The following FMN1 variants were observed in gnomAD, a reference collection of about 807,000 sequenced individuals.
The protein encoded by FMN1 is formin 1.
In FMN1, 110 loss-of-function variants were observed where a neutral mutation model predicts 132.4. The ratio of observed to expected loss-of-function variants is 0.83; its 90% confidence interval spans 0.71 to 0.97. The LOEUF (loss-of-function observed/expected upper bound fraction) is 0.97, where lower values mean the gene tolerates loss of function less well. Ranked by LOEUF, FMN1 falls within the 50% of genes least tolerant of loss-of-function variation. The pLI is 0.00. For missense variants in FMN1, 1,792 were observed against 1,705.3 expected, an observed-to-expected ratio of 1.05 and a Z score of -0.90; for synonymous variants, 722 against 651.7, an observed-to-expected ratio of 1.11 and a Z score of -1.64.
chr15:33,045,204 C>T (rs1038233012), intron 6 of FMN1, among the ~76,000 whole-genome samples: 12 of 152,206 alleles, frequency 7.9e-5, no homozygotes, highest in Admixed American at 1.3e-4. Flanking sequence ...CACCCATGCT[C>T]GCACCTGGAG....
chr15:33,063,465 C>G (rs2037575550), intron 6 of FMN1: 1 of 152,276 alleles, frequency 6.6e-6, no homozygotes, highest in Admixed American at 6.6e-5. Context: ...AAAAGCTTCT[C>G]CTTGGTACTG....
chr15:33,030,929 G>A (rs961517863), intron 6 of FMN1, among the ~76,000 whole-genome samples: 17 of 151,918 alleles, frequency 1.1e-4, no homozygotes, highest in African/African-American at 4.1e-4. Context: ...CCCATGAACC[G>A]GTCATCTACA....
At chr15:33,074,364 G>A (rs1331452664) in intron 5 of FMN1, among the ~76,000 whole-genome samples, 1 of 152,170 alleles carries the variant, frequency 6.6e-6, no homozygotes, top group Non-Finnish European at 1.5e-5. Flanking sequence ...TCATGCTGTG[G>A]CGTTCCTCTG....
intron 6 of FMN1, among the ~76,000 whole-genome samples, chr15:33,043,621 A>C (rs984852804): frequency 4.6e-5 from 7 of 152,350 alleles, no homozygotes; most frequent in Middle Eastern, 6.8e-3. Flanking sequence ...AAGTGGGATA[A>C]AAAGTGGCAC....
chr15:33,043,445 C>A lies in FMN1; in HGVS notation c.2161+21512G>T, dbSNP rs576771639. On this transcript the variant is annotated intron_variant, in intron 6 of 20. Coordinates refer to ENST00000616417, the MANE Select transcript of FMN1 (RefSeq NM_001277313.2). ...TGTCTCACTTCCATTTCCTGTACAT[C>A]ACTTGCCTTTTGCCGTCTATAACTC... Among the ~76,000 whole-genome samples the A allele has an allele frequency of 6.6e-5, 10 of 152,346 alleles. No homozygotes were observed. In the East Asian group the frequency reaches 1.9e-3, roughly 29 times the overall value.
intron 16 of FMN1, among the ~76,000 whole-genome samples, chr15:32,881,946 A>G (rs2059781600): frequency 6.6e-6 from 1 of 152,214 alleles, no homozygotes; most frequent in Non-Finnish European, 1.5e-5. Context: ...TCAGTTAGCC[A>G]CATCAGACTA....
At chr15:32,984,144 A>T (rs1019528979) in intron 7 of FMN1, among the ~76,000 whole-genome samples, 4 of 152,204 alleles carry the variant, frequency 2.6e-5, no homozygotes, top group African/African-American at 9.7e-5. Flanking sequence ...TGCTTTTATA[A>T]GAAAAAAAGA....
chr15:33,013,233 A>G (rs185390289), intron 6 of FMN1, among the ~76,000 whole-genome samples: 2 of 152,340 alleles, frequency 1.3e-5, no homozygotes, highest in Non-Finnish European at 2.9e-5. Context: ...TATGGGCAAA[A>G]GAGTTAAGGA....
intron 4 of FMN1, among the ~76,000 whole-genome samples, chr15:33,116,104 T>A (rs939038878): frequency 8.5e-5 from 13 of 152,302 alleles, no homozygotes; most frequent in African/African-American, 3.1e-4. Context: ...GAGTTTTAGC[T>A]ATGTCCCTGG....
At chr15:32,891,131 GTGAC>G (rs1265912326) in intron 15 of FMN1, among the ~76,000 whole-genome samples, 3 of 152,168 alleles carry the variant, frequency 2.0e-5, no homozygotes, top group Admixed American at 6.5e-5. Flanking sequence ...CGTTGTTTTG[GTGAC>G]TGACTATGGC....
chr15:33,173,700 G>A (rs1261903305), intron 3 of FMN1, among the ~76,000 whole-genome samples: 3 of 152,226 alleles, frequency 2.0e-5, no homozygotes, highest in Admixed American at 6.5e-5. Context: ...AGGCCAAGGC[G>A]GGCGGATCAC....
intron 7 of FMN1, among the ~76,000 whole-genome samples, chr15:33,004,603 G>C (rs1434842476): frequency 6.6e-6 from 1 of 152,154 alleles, no homozygotes; most frequent in African/African-American, 2.4e-5. Flanking sequence ...CTGTAAACCA[G>C]TTCAACCATT....
chr15:32,963,120 T>C (rs546827095), intron 9 of FMN1, among the ~76,000 whole-genome samples: 8 of 149,354 alleles, frequency 5.4e-5, no homozygotes, highest in Admixed American at 1.3e-4. Context: ...TAGACTGGAT[T>C]AAGAAAATGT....
At chr15:32,991,344 G>C (rs1566799401) in intron 7 of FMN1, among the ~76,000 whole-genome samples, 1 of 152,108 alleles carries the variant, frequency 6.6e-6, no homozygotes, top group African/African-American at 2.4e-5. Context: ...TGGAAATGCT[G>C]GACTGCTCAG....
At chr15:33,169,740 C>CTTT (rs57083437) in intron 3 of FMN1, among the ~76,000 whole-genome samples, 14 of 117,902 alleles carry the variant, frequency 1.2e-4, no homozygotes, top group Non-Finnish European at 1.9e-4. Flanking sequence ...TTTTCTTTTC[C>CTTT]TTTTTTTTTT....
In FMN1 at chr15:33,097,316, A is replaced by AAGAG. The variant is rs3081677; in HGVS notation, c.1868-8346_1868-8343dup. Among the ~76,000 whole-genome samples, 743 of 147,304 alleles carry AAGAG rather than the reference A, an allele frequency of 5.0e-3. 2 individuals are homozygous for AAGAG. Among genetic ancestry groups the AAGAG allele is most frequent in the Middle Eastern group, 7.0e-3 (2 of 286 alleles). ...GAGACCCTGTCTTAAAAAAAAAAAAAAGAGAGAGAGAGAGAGATGGGCTAA... is the reference window on the plus strand; with the variant it reads ...GAGACCCTGTCTTAAAAAAAAAAAAAAGAGAGAGAGAGAGAGAGAGATGGGCTAA... On this transcript the variant is annotated intron_variant, in intron 4 of 20. Coordinates refer to ENST00000616417, the MANE Select transcript of FMN1 (RefSeq NM_001277313.2).
At chr15:32,863,307 G>A (rs1168962039) in intron 16 of FMN1, among the ~76,000 whole-genome samples, 1 of 152,162 alleles carries the variant, frequency 6.6e-6, no homozygotes, top group Non-Finnish European at 1.5e-5. Flanking sequence ...CGTGGTGGCG[G>A]GCACCTGTAG....
chr15:32,767,405 G>A lies in FMN1; in HGVS notation c.*6905C>T, dbSNP rs903110876. On this transcript the variant is annotated 3_prime_UTR_variant, in exon 21 of 21. Transcript: ENST00000616417. ...TAGGTCTGATTCATACTAGGATGTTGACTGCCTTCACTCAGGTTCTAGGCA... is the reference window on the plus strand; with the variant it reads ...TAGGTCTGATTCATACTAGGATGTTAACTGCCTTCACTCAGGTTCTAGGCA... 20 of 152,132 alleles carry A rather than the reference G, an allele frequency of 1.3e-4. No individual in the cohort carries two copies. Among genetic ancestry groups the A allele is most frequent in the Non-Finnish European group, 2.6e-4 (18 of 68,020 alleles). 9.4% of individuals were successfully genotyped at this position (152,132 alleles called of 1,614,324 possible). A position where few individuals can be genotyped will look rare whatever the true frequency, so the allele number is the denominator to read the frequency against.
In FMN1 at chr15:32,930,782, A is replaced by G. The variant is rs2061095597; in HGVS notation, c.3139-4521T>C. On this transcript the variant is annotated intron_variant, in intron 9 of 20. Transcript: ENST00000616417. ...GGAAACAACTGCCAAAATCAATTTT[A>G]GAGGACTTTTCCCTATTTTTTAAAA... is the stretch of plus-strand genomic sequence containing the variant. Among the ~76,000 whole-genome samples the G allele has an allele frequency of 3.3e-5, 5 of 152,098 alleles. No homozygotes were observed. In the South Asian group the frequency reaches 1.0e-3, roughly 32 times the overall value.
Sources: allele counts gnomAD v4.1 joint callset (sites outside exome capture counted in the v4.1 genomes callset), GRCh38; gene constraint gnomAD v4.1.1; transcripts MANE v1.5; gene names NCBI Gene and HGNC (gene_info 2026-07-23, HGNC 2026-07-21).